The following RPS6KC1 variants were observed in gnomAD, a reference collection of about 807,000 sequenced individuals.
RPS6KC1 encodes the protein inactive ribosomal protein S6 kinase delta-1.
Under a neutral mutation model 103.8 loss-of-function variants are expected in RPS6KC1, and 54 were observed. The ratio of observed to expected loss-of-function variants is 0.52; its 90% CI spans 0.42 to 0.65. The LOEUF is 0.65. RPS6KC1 is among the 30% of genes least tolerant of loss of function. The probability of loss-of-function intolerance (pLI) is 0.00; values close to 1 mark genes in which losing one functional copy is unlikely to be tolerated. For synonymous variants in RPS6KC1, 439 were observed against 438.7 expected (o/e 1.00, Z -0.01); for missense variants, 1,151 against 1,253.8 (o/e 0.92, Z 1.24).
intron 6 of RPS6KC1, among the ~76,000 whole-genome samples, chr1:213,132,095 T>C (rs1260203561): frequency 6.6e-6 from 1 of 152,204 alleles, no homozygotes; most frequent in Non-Finnish European, 1.5e-5. Flanking sequence ...TAACAAATAA[T>C]GTGTCATTTG....
At chr1:213,187,644 G>T (rs1235943989) in intron 8 of RPS6KC1, among the ~76,000 whole-genome samples, 1 of 151,846 alleles carries the variant, frequency 6.6e-6, no homozygotes, top group Non-Finnish European at 1.5e-5. Flanking sequence ...TTTTGAATTT[G>T]TGGTTAGAGA....
chr1:213,830,946 C>G, the RPS6KC1 span, among the ~76,000 whole-genome samples: 5 of 152,126 alleles, frequency 3.3e-5, no homozygotes, highest in African/African-American at 1.2e-4. Context: ...CTCTGTTGCT[C>G]TGGGCAGCTC....
At chr1:213,079,831 C>T (rs2079694390) in intron 3 of RPS6KC1, among the ~76,000 whole-genome samples, 1 of 151,914 alleles carries the variant, frequency 6.6e-6, no homozygotes, top group South Asian at 2.1e-4. Context: ...CCTACTTTTG[C>T]TTCTAGACAT....
At chr1:213,663,575 A>T in the RPS6KC1 span, among the ~76,000 whole-genome samples, 1 of 152,240 alleles carries the variant, frequency 6.6e-6, no homozygotes, top group East Asian at 1.9e-4. Context: ...TGCAAAATGA[A>T]TATGAAGCAT....
chr1:213,240,027 A>C (rs908506785), intron 10 of RPS6KC1, among the ~76,000 whole-genome samples: 1 of 152,146 alleles, frequency 6.6e-6, no homozygotes, highest in Non-Finnish European at 1.5e-5. Flanking sequence ...TTTAGTTTTA[A>C]AGATATATGT....
At chr1:213,694,877 G>T in the RPS6KC1 span, among the ~76,000 whole-genome samples, 1 of 152,150 alleles carries the variant, frequency 6.6e-6, no homozygotes, top group Admixed American at 6.5e-5. Context: ...ATGAGGGATG[G>T]CAGGAAAACC....
the RPS6KC1 span, among the ~76,000 whole-genome samples, chr1:213,704,413 C>G: frequency 8.2e-6 from 1 of 121,236 alleles, no homozygotes; most frequent in African/African-American, 3.1e-5. Context: ...AAAAAAAAAA[C>G]TCTGATGTAT....
chr1:213,522,250 G>A, the RPS6KC1 span, among the ~76,000 whole-genome samples: 1 of 152,194 alleles, frequency 6.6e-6, no homozygotes, highest in Non-Finnish European at 1.5e-5. Context: ...ATTTTGAAAA[G>A]ACTCTCTTTT....
At chr1:213,558,335 C>T in the RPS6KC1 span, among the ~76,000 whole-genome samples, 6 of 152,278 alleles carry the variant, frequency 3.9e-5, no homozygotes, top group South Asian at 6.2e-4. Flanking sequence ...CCCTGGCTTG[C>T]GGCACCTGCC....
chr1:213,163,277 G>A (rs2148112180), intron 6 of RPS6KC1, among the ~76,000 whole-genome samples: 1 of 152,324 alleles, frequency 6.6e-6, no homozygotes, highest in South Asian at 2.1e-4. Flanking sequence ...TTTCTATTGT[G>A]ATAAATCTGA....
At chr1:213,231,352 T>C (rs1243274022) in intron 9 of RPS6KC1, among the ~76,000 whole-genome samples, 1 of 152,170 alleles carries the variant, frequency 6.6e-6, no homozygotes, top group Non-Finnish European at 1.5e-5. Context: ...CATAATGCAA[T>C]TTATAACTAA....
chr1:213,656,416 G>A, the RPS6KC1 span, among the ~76,000 whole-genome samples: 3 of 152,228 alleles, frequency 2.0e-5, no homozygotes, highest in African/African-American at 7.2e-5. Context: ...AAGAGAAGGT[G>A]TGAATAATGA....
chr1:213,847,871 C>A, the RPS6KC1 span, among the ~76,000 whole-genome samples: 26,673 of 152,028 alleles, frequency 0.18, 2,607 homozygotes, highest in South Asian at 0.29. Flanking sequence ...TATTTTTACT[C>A]CTTTTGAAGC....
At chr1:213,426,376 C>T in the RPS6KC1 span, among the ~76,000 whole-genome samples, 3 of 152,186 alleles carry the variant, frequency 2.0e-5, no homozygotes, top group African/African-American at 7.2e-5. Context: ...CTCATGCCCT[C>T]GGGGACTGGG....
the RPS6KC1 span, among the ~76,000 whole-genome samples, chr1:213,517,736 C>G: frequency 1.3e-5 from 2 of 152,134 alleles, no homozygotes; most frequent in Non-Finnish European, 2.9e-5. Context: ...CTGTAGATGT[C>G]TATTAGGTCC....
Position 213,051,497 on chromosome 1 carries a change from G to C in RPS6KC1, c.93G>C (p.Lys31Asn). The C allele has an allele frequency of 6.2e-7, 1 of 1,611,920 alleles. No individual in the cohort carries two copies. The highest frequency in any genetic ancestry group is 8.5e-7 in the Non-Finnish European group (1 of 1,178,796). The stretch of plus-strand genomic sequence containing the variant: ...ACCCGAGGGGCTACACAGTATATAA[G>C]GTCACCGCCCGGGTGAGTGCCGGTG... ...QRHPRGYTVY[K>N]VTARVVSRRN... Residue 31 changes from lysine (K) to asparagine (N), a missense_variant, in exon 1 of 15, where the codon AAG (lysine) becomes AAC (asparagine). Physicochemically the swap from Lys to Asn is moderately conservative, Grantham distance 94 (BLOSUM62 0). Transcript: ENST00000366960.
At chr1:213,649,858 G>A in the RPS6KC1 span, among the ~76,000 whole-genome samples, 26 of 152,252 alleles carry the variant, frequency 1.7e-4, no homozygotes, top group Non-Finnish European at 2.5e-4. Flanking sequence ...TCATGGTGGC[G>A]GTGAGGATGG....
chr1:213,156,350 A>G (rs2148012779), intron 6 of RPS6KC1, among the ~76,000 whole-genome samples: 1 of 152,300 alleles, frequency 6.6e-6, no homozygotes, highest in South Asian at 2.1e-4. Flanking sequence ...AAAAAAAAGG[A>G]CTTCACTGAA....
chr1:213,718,554 T>A, the RPS6KC1 span, among the ~76,000 whole-genome samples: 1 of 152,228 alleles, frequency 6.6e-6, no homozygotes, highest in African/African-American at 2.4e-5. Flanking sequence ...TTGCCATAAA[T>A]GGCTGACAGA....
Sources: gnomAD v4.1 joint callset for allele counts (sites outside exome capture counted in the v4.1 genomes callset) on GRCh38, gnomAD v4.1.1 for gene constraint, MANE v1.5 for transcripts, NCBI Gene and HGNC (gene_info 2026-07-23, HGNC 2026-07-21) for gene names.